The following MRM1 variants were observed in gnomAD, a reference collection of about 807,000 sequenced individuals.
MRM1 encodes the protein rRNA methyltransferase 1, mitochondrial.
In MRM1, 24 loss-of-function variants were observed where a neutral mutation model predicts 25.0. That is an observed-to-expected ratio of 0.96 (90% CI 0.69 to 1.35). The LOEUF (loss-of-function observed/expected upper bound fraction) is 1.35, where lower values mean the gene tolerates loss of function less well. MRM1 is among the 40% of genes most tolerant of loss of function. MRM1 has a pLI of 0.00. For missense variants in MRM1, 431 were observed against 464.1 expected (o/e 0.93, Z 0.65); for synonymous variants, 188 against 199.2 (o/e 0.94, Z 0.47).
At chr17:36,632,464 C>A in the MRM1 span, among the ~76,000 whole-genome samples, 3 of 152,118 alleles carry the variant, frequency 2.0e-5, no homozygotes, top group Non-Finnish European at 4.4e-5. Flanking sequence ...GTGTCTGGGG[C>A]AAGATGGGAT....
chr17:36,630,921 C>T, the MRM1 span, among the ~76,000 whole-genome samples: 6 of 152,250 alleles, frequency 3.9e-5, no homozygotes, highest in Admixed American at 6.5e-5. Flanking sequence ...ATAAGCTTCC[C>T]GTCCTGGGCG....
downstream of MRM1, among the ~76,000 whole-genome samples, chr17:36,611,249 T>C (rs2142846563): frequency 1.3e-5 from 2 of 152,312 alleles, no homozygotes; most frequent in Middle Eastern, 6.8e-3. Flanking sequence ...CCTGAAAGTT[T>C]AGGTGAGGGT....
intron 4 of MRM1, 46 bp from the exon 5 acceptor site, chr17:36,608,197 A>G (rs576962336): frequency 1.3e-6 from 2 of 1,531,216 alleles, no homozygotes; most frequent in South Asian, 2.6e-5. Flanking sequence ...TCTAAACATC[A>G]TCCTTCTCCT....
At chr17:36,626,345 C>T in the MRM1 span, among the ~76,000 whole-genome samples, 1 of 152,122 alleles carries the variant, frequency 6.6e-6, no homozygotes, top group East Asian at 1.9e-4. Context: ...GTTCTGGGTC[C>T]CCAGGGCAGG....
chr17:36,626,817 G>A, the MRM1 span, among the ~76,000 whole-genome samples: 1 of 152,186 alleles, frequency 6.6e-6, no homozygotes, highest in South Asian at 2.1e-4. Flanking sequence ...GTTGACACTC[G>A]AACCCAGGCC....
Position 36,602,297 on chromosome 17 carries a change from C to A in MRM1, c.487C>A (p.Leu163Met). Reference protein sequence around the residue: ...IQDPRNFGAVLRSAHFLGVDK... With the variant: ...IQDPRNFGAVMRSAHFLGVDK... ...GGATCCCCGGAATTTTGGGGCTGTG[C>A]TGCGTTCCGCACACTTCCTCGGAGT... The change falls in exon 1 of 5, where the codon CTG (leucine) becomes ATG (methionine). Residue 163 changes from leucine (L) to methionine (M), a missense_variant. Leu to Met is a conservative substitution (Grantham distance 15). Coordinates refer to ENST00000614766, the MANE Select transcript of MRM1 (RefSeq NM_024864.5). The surrounding 1 kb of genome is among the most constrained non-coding windows in gnomAD (Gnocchi z 4.1). 1 of 1,596,162 alleles carries A rather than the reference C, an allele frequency of 6.3e-7. No homozygotes were observed. The highest frequency in any genetic ancestry group is 8.6e-7 in the Non-Finnish European group (1 of 1,167,926).
At chr17:36,624,683 T>C in the MRM1 span, among the ~76,000 whole-genome samples, 1 of 152,174 alleles carries the variant, frequency 6.6e-6, no homozygotes, top group African/African-American at 2.4e-5. This position sits in a 1 kb window ranked among gnomAD's most constrained non-coding sequence, Gnocchi z 4.0. Context: ...CTCTTCTTGC[T>C]TTTGGGATGA....
the MRM1 span, among the ~76,000 whole-genome samples, chr17:36,622,438 G>C: frequency 6.6e-6 from 1 of 152,048 alleles, no homozygotes; most frequent in Admixed American, 6.6e-5. Flanking sequence ...TGGGCATGGT[G>C]GTGCGCACCT....
chr17:36,613,314 G>A (rs2074988059), downstream of MRM1, among the ~76,000 whole-genome samples: 1 of 152,088 alleles, frequency 6.6e-6, no homozygotes, highest in Admixed American at 6.5e-5. Context: ...CCAGGTGCCA[G>A]GGATCCCCAC....
chr17:36,615,937 G>A, the MRM1 span, among the ~76,000 whole-genome samples: 14 of 152,098 alleles, frequency 9.2e-5, no homozygotes, highest in African/African-American at 3.4e-4. Context: ...AGGTTGCAGT[G>A]AGCTGAGATC....
intron 2 of MRM1, among the ~76,000 whole-genome samples, chr17:36,605,151 A>G (rs1440202678): frequency 1.4e-5 from 2 of 145,932 alleles, no homozygotes; most frequent in Non-Finnish European, 3.0e-5. Context: ...AAAAAAAAAA[A>G]AAAGAGAGAG....
chr17:36,633,521 A>T, the MRM1 span, among the ~76,000 whole-genome samples: 2 of 151,854 alleles, frequency 1.3e-5, no homozygotes, highest in Non-Finnish European at 2.9e-5. Flanking sequence ...GGAGGGAGAG[A>T]GGAGAGGGAG....
chr17:36,603,299 T>TTC (rs1310676107), intron 2 of MRM1: 1 of 795,398 alleles, frequency 1.3e-6, no homozygotes, highest in Non-Finnish European at 1.5e-6. Flanking sequence ...GTTTTAGCTT[T>TTC]TCTAGTAGCC....
the MRM1 span, among the ~76,000 whole-genome samples, chr17:36,629,175 C>T: frequency 3.9e-5 from 6 of 152,152 alleles, no homozygotes; most frequent in South Asian, 2.1e-4. Context: ...TTAGGCTCTT[C>T]GAAAGGTCAT....
chr17:36,608,319 C>G lies in MRM1; in HGVS notation c.966C>G (p.Asp322Glu). 6 of 1,610,502 alleles carry G rather than the reference C, an allele frequency of 3.7e-6. No individual in the cohort carries two copies. Among genetic ancestry groups the G allele is most frequent in the African/African-American group, 1.3e-5 (1 of 74,830 alleles). The stretch of plus-strand genomic sequence containing the variant: ...GGGAGAGAAGGCAGCTTCTCCAAGA[C>G]CCCCAAGAACCCTCAGCCAGGTCTG... ...TEGERRQLLQDPQEPSARSEG... is the reference protein window; with the variant it reads ...TEGERRQLLQEPQEPSARSEG... The change falls in exon 5 of 5, where the codon GAC becomes GAG. Residue 322 changes from aspartate (D) to glutamate (E), a missense_variant. Asp to Glu is a conservative substitution (Grantham distance 45). Coordinates refer to ENST00000614766, the MANE Select transcript of MRM1 (RefSeq NM_024864.5).
the MRM1 span, among the ~76,000 whole-genome samples, chr17:36,632,101 C>T: frequency 2.6e-5 from 4 of 152,106 alleles, no homozygotes; most frequent in Non-Finnish European, 5.9e-5. Context: ...GTGATCCGCC[C>T]GCCTTGGCCT....
In MRM1 at chr17:36,602,009, C is replaced by A. The variant is rs759916250; in HGVS notation, c.199C>A (p.Arg67Ser). ...TCTCCTGGCTCTGCAGGCCGCCCGCCGCTCTGTGGCCCGGCTCCTGCTCCA... is the reference window on the plus strand; with the variant it reads ...TCTCCTGGCTCTGCAGGCCGCCCGCAGCTCTGTGGCCCGGCTCCTGCTCCA... ...PCLLALQAARRSVARLLLQAG... is the reference protein window; with the variant it reads ...PCLLALQAARSSVARLLLQAG... Residue 67 changes from arginine (R) to serine (S), a missense_variant, in exon 1 of 5, where the codon CGC becomes AGC. Transcript: ENST00000614766. The surrounding 1 kb of genome is among the most constrained non-coding windows in gnomAD (Gnocchi z 4.1). The A allele has an allele frequency of 6.2e-7, 1 of 1,611,588 alleles. No individual in the cohort carries two copies. The highest frequency in any genetic ancestry group is 1.1e-5 in the South Asian group (1 of 90,970).
At chr17:36,629,698 C>T in the MRM1 span, among the ~76,000 whole-genome samples, 1 of 148,366 alleles carries the variant, frequency 6.7e-6, no homozygotes, top group African/African-American at 2.5e-5. Flanking sequence ...AGCAGAGGGA[C>T]CAGAGGGCAG....
chr17:36,632,845 T>G, the MRM1 span, among the ~76,000 whole-genome samples: 28 of 151,604 alleles, frequency 1.8e-4, no homozygotes, highest in African/African-American at 6.8e-4. Flanking sequence ...GACTTACAGG[T>G]GGAGAAGGGA....
Sources: gnomAD v4.1 joint callset for allele counts (sites outside exome capture counted in the v4.1 genomes callset) on GRCh38, gnomAD v4.1.1 for gene constraint, Gnocchi (gnomAD v3.1) non-coding constraint, MANE v1.5 for transcripts, NCBI Gene and HGNC (gene_info 2026-07-23, HGNC 2026-07-21) for gene names.